The following RNLS variants were observed in gnomAD, a reference collection of about 807,000 sequenced individuals.
RNLS encodes renalase, FAD dependent amine oxidase.
RNLS carries 39 observed loss-of-function variants against 39.8 expected under a neutral mutation model. The ratio of observed to expected loss-of-function variants is 0.98; its 90% CI spans 0.76 to 1.28. The LOEUF is 1.28. Ranked by LOEUF, RNLS falls within the 50% of genes most tolerant of loss-of-function variation. RNLS has a pLI of 0.00. For missense variants in RNLS, 410 were observed against 413.3 expected (o/e 0.99, Z 0.07); for synonymous variants, 147 against 150.7 (o/e 0.98, Z 0.18).
the RNLS span, among the ~76,000 whole-genome samples, chr10:88,222,245 C>A: frequency 6.6e-6 from 1 of 152,304 alleles, no homozygotes; most frequent in East Asian, 1.9e-4. Context: ...ACCTTGGAAG[C>A]TGTCCTAATA....
At chr10:88,513,754 T>C (rs1286113399) in intron 4 of RNLS, among the ~76,000 whole-genome samples, 1 of 152,116 alleles carries the variant, frequency 6.6e-6, no homozygotes, top group Non-Finnish European at 1.5e-5. Flanking sequence ...ATTTATAATT[T>C]TCAGAGATAT....
chr10:88,224,323 GC>G, the RNLS span, among the ~76,000 whole-genome samples: 271 of 152,266 alleles, frequency 1.8e-3, 1 homozygote, highest in Non-Finnish European at 2.8e-3. Context: ...ACCTCCTAAA[GC>G]CTCACTTCTT....
At chr10:88,346,318 A>G (rs1415555736) in intron 5 of RNLS, among the ~76,000 whole-genome samples, 1 of 152,204 alleles carries the variant, frequency 6.6e-6, no homozygotes, top group Non-Finnish European at 1.5e-5. Flanking sequence ...TATACTCCTC[A>G]GAGACCACAG....
At chr10:88,245,821 AT>A in the RNLS span, among the ~76,000 whole-genome samples, 1 of 152,206 alleles carries the variant, frequency 6.6e-6, no homozygotes, top group Non-Finnish European at 1.5e-5. Flanking sequence ...CAAATCACCC[AT>A]TGCAAAACCG....
intron 4 of RNLS, among the ~76,000 whole-genome samples, chr10:88,380,255 T>C (rs557914248): frequency 2.0e-5 from 3 of 152,336 alleles, no homozygotes; most frequent in African/African-American, 7.2e-5. Flanking sequence ...CCTACTTTTG[T>C]TACCTATATT....
chr10:88,424,372 T>C (rs1854585761), intron 4 of RNLS, among the ~76,000 whole-genome samples: 1 of 152,254 alleles, frequency 6.6e-6, no homozygotes, highest in Admixed American at 6.5e-5. Context: ...ATAAAGGAAA[T>C]AATCCAGGAA....
the RNLS span, among the ~76,000 whole-genome samples, chr10:88,262,964 G>A: frequency 2.6e-5 from 4 of 152,088 alleles, no homozygotes; most frequent in African/African-American, 9.7e-5. Context: ...ATGTTGAAGT[G>A]GTTAAGAGTG....
chr10:88,357,728 G>A (rs1454400947), intron 5 of RNLS, among the ~76,000 whole-genome samples: 1 of 152,128 alleles, frequency 6.6e-6, no homozygotes, highest in African/African-American at 2.4e-5. Context: ...CCAACAGAAT[G>A]TGAGCACACT....
chr10:88,379,605 T>TATC (rs1554876946), intron 4 of RNLS, among the ~76,000 whole-genome samples: 1 of 152,210 alleles, frequency 6.6e-6, no homozygotes, highest in Admixed American at 6.5e-5. Flanking sequence ...GTTGCAACAA[T>TATC]ATCTCCCATC....
intron 5 of RNLS, among the ~76,000 whole-genome samples, chr10:88,356,780 C>T (rs759101729): frequency 4.0e-5 from 6 of 151,748 alleles, no homozygotes; most frequent in Non-Finnish European, 5.9e-5. Context: ...CATCACATCT[C>T]TAGAATTCAG....
chr10:88,522,769 C>T (rs1032999171), intron 4 of RNLS, among the ~76,000 whole-genome samples: 1 of 151,980 alleles, frequency 6.6e-6, no homozygotes, highest in Non-Finnish European at 1.5e-5. Context: ...AAAAGAAACA[C>T]CATTTATTTA....
the RNLS span, among the ~76,000 whole-genome samples, chr10:88,180,837 T>C: frequency 6.6e-6 from 1 of 152,224 alleles, no homozygotes; most frequent in Non-Finnish European, 1.5e-5. Flanking sequence ...ATCCATACTA[T>C]TGAGTAACCT....
chr10:88,316,930 CAA>C (rs1390693812), intron 5 of RNLS, among the ~76,000 whole-genome samples: 2 of 152,018 alleles, frequency 1.3e-5, no homozygotes, highest in Admixed American at 6.5e-5. Context: ...TCTAAAAATA[CAA>C]AGAGTCAAGC....
At chr10:88,343,803 T>C (rs1461877786) in intron 5 of RNLS, 2 of 985,254 alleles carry the variant, frequency 2.0e-6, no homozygotes, top group African/African-American at 3.5e-5. Flanking sequence ...GCAGCTTTTA[T>C]TTGCACTGCC....
intron 3 of RNLS, among the ~76,000 whole-genome samples, chr10:88,575,812 T>C (rs550532753): frequency 1.3e-5 from 2 of 152,138 alleles, no homozygotes; most frequent in South Asian, 2.1e-4. Flanking sequence ...ACTTAGAGTA[T>C]AAAATCTTTA....
chr10:88,294,869 T>C (rs1843958187), intron 6 of RNLS, among the ~76,000 whole-genome samples: 1 of 152,144 alleles, frequency 6.6e-6, no homozygotes, highest in Non-Finnish European at 1.5e-5. Context: ...TGGTGGAATT[T>C]TTTTCTCTAT....
At chr10:88,486,212 A>C (rs1232383053) in intron 4 of RNLS, among the ~76,000 whole-genome samples, 1 of 152,112 alleles carries the variant, frequency 6.6e-6, no homozygotes, top group Non-Finnish European at 1.5e-5. Context: ...TCATATACAA[A>C]AATTAACTCA....
At position 88,289,500 on chromosome 10, in the gene RNLS, T is replaced by C. The variant is rs575292289; in HGVS notation, c.877-3994A>G. On this transcript the variant is annotated intron_variant, in intron 6 of 6. Coordinates refer to ENST00000331772, the MANE Select transcript of RNLS (RefSeq NM_001031709.3). ...AAACATCACCTGCTCTGAGGCATTG[T>C]TGCTCAGCCAGGCAAGGTCAATGCC... 1.6e-4 allele frequency among the ~76,000 whole-genome samples: 25 copies of C among 152,276 alleles called. No homozygotes were observed. The South Asian group carries it at 5.0e-3, about 30-fold the overall frequency.
At chr10:88,348,666 C>T (rs1463201124) in intron 5 of RNLS, among the ~76,000 whole-genome samples, 1 of 152,080 alleles carries the variant, frequency 6.6e-6, no homozygotes, top group Non-Finnish European at 1.5e-5. Context: ...ATCTATTGAA[C>T]TTTTTTGGCA....
Sources: allele counts gnomAD v4.1 joint callset (sites outside exome capture counted in the v4.1 genomes callset), GRCh38; gene constraint gnomAD v4.1.1; transcripts MANE v1.5; gene names NCBI Gene and HGNC (gene_info 2026-07-23, HGNC 2026-07-21).